CCDC179: variants seen among roughly 807,000 people sequenced by gnomAD.
CCDC179 encodes coiled-coil domain-containing protein 179.
Under a neutral mutation model 12.0 loss-of-function variants are expected in CCDC179, and 17 were observed. That is an observed-to-expected ratio of 1.42 (90% CI 0.97 to 2.13). CCDC179 has a LOEUF of 2.13. Ranked by LOEUF, CCDC179 falls within the 30% of genes most tolerant of loss-of-function variation. The pLI, the probability that CCDC179 is intolerant of heterozygous loss-of-function variation, is 0.00. For synonymous variants in CCDC179, 27 were observed against 26.4 expected, an observed-to-expected ratio of 1.02 and a Z score of -0.07; for missense variants, 83 against 78.6, an observed-to-expected ratio of 1.06 and a Z score of -0.21.
chr11:22,857,378 C>G (rs1405578403), intron 3 of CCDC179, among the ~76,000 whole-genome samples: 2 of 151,518 alleles, frequency 1.3e-5, no homozygotes, highest in South Asian at 4.2e-4. Flanking sequence ...GTCAATAAAT[C>G]TTTGATAAGG....
intron 3 of CCDC179, among the ~76,000 whole-genome samples, chr11:22,848,939 T>C (rs190485312): frequency 2.6e-4 from 40 of 152,262 alleles, no homozygotes; most frequent in Non-Finnish European, 5.0e-4. Flanking sequence ...AAATTATCAA[T>C]CCACAATGAT....
At chr11:22,858,144 G>A (rs1858570916) in intron 2 of CCDC179, 118 bp from the exon 3 acceptor site, 2 of 563,744 alleles carry the variant, frequency 3.5e-6, no homozygotes, top group South Asian at 5.3e-5. Context: ...ACTGCAAACG[G>A]TTCACATAAC....
chr11:22,850,971 TATA>T (rs1298204748), intron 3 of CCDC179, among the ~76,000 whole-genome samples: 232 of 17,166 alleles, frequency 0.014, 11 homozygotes, highest in East Asian at 0.027. Flanking sequence ...TATATATATA[TATA>T]TATTTTTTTT....
At chr11:22,855,417 A>T (rs940295155) in intron 3 of CCDC179, among the ~76,000 whole-genome samples, 2 of 151,644 alleles carry the variant, frequency 1.3e-5, no homozygotes, top group African/African-American at 4.8e-5. Context: ...AATTCCTCAA[A>T]TATTTGGAAA....
At position 22,857,999 on chromosome 11, in the gene CCDC179, G is replaced by T; in HGVS notation, c.118C>A (p.Gln40Lys). ...QLANKRIQNM[Q>K]HLKKEKRRLN... Reference sequence around the variant, plus strand: ...CTCCTCTTCTCTTTCTTTAGGTGTTGCATATTCTGAATACGTTTATTTGCA... The same window carrying T: ...CTCCTCTTCTCTTTCTTTAGGTGTTTCATATTCTGAATACGTTTATTTGCA... The change falls in exon 3 of 4, where the codon CAA (glutamine) becomes AAA (lysine). Residue 40 changes from glutamine (Q) to lysine (K), a missense_variant. By Grantham distance (53) the Gln-to-Lys change is moderately conservative. Transcript: ENST00000532798. 1 of 1,517,298 alleles carries T rather than the reference G, an allele frequency of 6.6e-7. No homozygotes were observed. Among genetic ancestry groups the T allele is most frequent in the South Asian group, 1.2e-5 (1 of 80,026 alleles). 94.0% of individuals were successfully genotyped at this position (1,517,298 alleles called of 1,614,324 possible). A position where few individuals can be genotyped will look rare whatever the true frequency, so the allele number is the denominator to read the frequency against.
rs1858569916 is a variant in CCDC179, at chr11:22,858,122, G to A, written c.91-96C>T. ...TTTTTGGTTTGTGTCAATAAAAAAG[G>A]TAAACACCACCACTGCAAACGGTTC... On this transcript the variant is annotated intron_variant, in intron 2 of 3. Coordinates refer to ENST00000532798, the MANE Select transcript of CCDC179 (RefSeq NM_001195637.2). The A allele has an allele frequency of 1.4e-5, 9 of 662,536 alleles. No individual in the cohort carries two copies. The South Asian group carries it at 2.2e-4, about 16-fold the overall frequency. 41.0% of individuals were successfully genotyped at this position (662,536 alleles called of 1,614,324 possible).
At chr11:22,856,428 C>T (rs1858530543) in intron 3 of CCDC179, among the ~76,000 whole-genome samples, 1 of 151,444 alleles carries the variant, frequency 6.6e-6, no homozygotes, top group African/African-American at 2.4e-5. Context: ...ATCATATCAA[C>T]AATGTATAAT....
intron 3 of CCDC179, among the ~76,000 whole-genome samples, chr11:22,856,413 A>G (rs1858530371): frequency 1.3e-5 from 2 of 151,568 alleles, no homozygotes; most frequent in African/African-American, 4.8e-5. Flanking sequence ...GAGAAAAATC[A>G]TATGATCATA....
chr11:22,855,734 A>G (rs533049113), intron 3 of CCDC179, among the ~76,000 whole-genome samples: 25 of 151,594 alleles, frequency 1.6e-4, no homozygotes, highest in African/African-American at 5.8e-4. Flanking sequence ...AGAATGCAAT[A>G]GAGAAAATTA....
chr11:22,847,274 G>T lies in CCDC179; in HGVS notation c.*236C>A. The T allele has an allele frequency of 2.9e-6, 1 of 345,130 alleles. No homozygotes were observed. Among genetic ancestry groups the T allele is most frequent in the Non-Finnish European group, 5.2e-6 (1 of 193,904 alleles). 21.4% of individuals were successfully genotyped at this position (345,130 alleles called of 1,614,324 possible). ...CATATTCATTATTATTTGTTGAAAAGCAGCAAATTTCAAGTTTACCACAGG... is the reference window on the plus strand; with the variant it reads ...CATATTCATTATTATTTGTTGAAAATCAGCAAATTTCAAGTTTACCACAGG... On this transcript the variant is annotated 3_prime_UTR_variant, in exon 4 of 4. Coordinates refer to ENST00000532798, the MANE Select transcript of CCDC179 (RefSeq NM_001195637.2).
chr11:22,859,528 C>T (rs1349710398), intron 1 of CCDC179, 32 bp from the exon 2 acceptor site: 2 of 1,346,274 alleles, frequency 1.5e-6, no homozygotes, highest in African/African-American at 1.5e-5. Context: ...AACACATTCA[C>T]ACAAAAAAGT....
intron 3 of CCDC179, among the ~76,000 whole-genome samples, chr11:22,849,625 A>G (rs1858322467): frequency 6.6e-6 from 1 of 152,140 alleles, no homozygotes; most frequent in Non-Finnish European, 1.5e-5. Flanking sequence ...ACAGACCAAT[A>G]TACACTATAC....
intron 3 of CCDC179, 109 bp from the exon 4 acceptor site, chr11:22,847,630 T>C (rs1355292347): frequency 4.1e-6 from 2 of 491,794 alleles, no homozygotes; most frequent in South Asian, 5.6e-5. Context: ...GAAAACCTAT[T>C]TCATACAAGA....
At chr11:22,850,910 C>CT (rs1457229318) in intron 3 of CCDC179, among the ~76,000 whole-genome samples, 1 of 115,082 alleles carries the variant, frequency 8.7e-6, no homozygotes, top group East Asian at 2.7e-4. Context: ...TAAGAGATAA[C>CT]TTGGAAGGGG....
chr11:22,854,365 A>AT (rs1175387054), intron 3 of CCDC179, among the ~76,000 whole-genome samples: 1 of 151,888 alleles, frequency 6.6e-6, no homozygotes, highest in East Asian at 1.9e-4. Context: ...AATTGCAACA[A>AT]TGTATGTGTT....
intron 2 of CCDC179, among the ~76,000 whole-genome samples, chr11:22,859,013 C>G (rs4281481): frequency 0.37 from 55,730 of 151,606 alleles, 10,779 homozygotes; most frequent in East Asian, 0.64. Context: ...CAAGCAAAAG[C>G]AAATAGTGCA....
chr11:22,853,585 T>G (rs1435453881), intron 3 of CCDC179, among the ~76,000 whole-genome samples: 1 of 149,120 alleles, frequency 6.7e-6, no homozygotes, highest in Non-Finnish European at 1.5e-5. Context: ...GAAAAAAGTA[T>G]AAAAATATAG....
At chr11:22,851,351 G>A (rs1858400062) in intron 3 of CCDC179, among the ~76,000 whole-genome samples, 1 of 151,984 alleles carries the variant, frequency 6.6e-6, no homozygotes, top group African/African-American at 2.4e-5. Flanking sequence ...TCAGAAAGGA[G>A]GAAGTTACAG....
intron 3 of CCDC179, among the ~76,000 whole-genome samples, chr11:22,850,526 A>G (rs925318952): frequency 6.6e-6 from 1 of 152,134 alleles, no homozygotes; most frequent in African/African-American, 2.4e-5. Flanking sequence ...CATTTTTGCA[A>G]TTGCAAACTG....
Sources: gnomAD v4.1 joint callset for allele counts (sites outside exome capture counted in the v4.1 genomes callset) on GRCh38, gnomAD v4.1.1 for gene constraint, MANE v1.5 for transcripts, NCBI Gene and HGNC (gene_info 2026-07-23, HGNC 2026-07-21) for gene names.